The following ALG13 variants were observed in gnomAD, a reference collection of about 807,000 sequenced individuals.
ALG13 encodes UDP-N-acetylglucosamine transferase subunit ALG13.
In ALG13, 11 loss-of-function variants were observed where a neutral mutation model predicts 87.8. That is an observed-to-expected ratio of 0.13 (90% CI 0.08 to 0.21). The LOEUF (loss-of-function observed/expected upper bound fraction) is 0.21, where lower values mean the gene tolerates loss of function less well. ALG13 is among the 10% of genes least tolerant of loss of function. The pLI is 1.00. For synonymous variants in ALG13, 320 were observed against 306.3 expected (o/e 1.04, Z -0.47); for missense variants, 756 against 866.1 (o/e 0.87, Z 1.60).
intron 19 of ALG13, among the ~76,000 whole-genome samples, chrX:111,730,126 A>G (rs754392226): frequency 8.9e-6 from 1 of 112,344 alleles, no homozygotes; most frequent in Non-Finnish European, 1.9e-5. Context: ...CACTGGAAAA[A>G]TTGGACACAA....
At chrX:111,711,519 T>C (rs1280922753) in intron 5 of ALG13, among the ~76,000 whole-genome samples, 156 bp from the exon 6 acceptor site, 1 of 112,307 alleles carries the variant, frequency 8.9e-6, no homozygotes, top group Non-Finnish European at 1.9e-5. Context: ...ATGACTTTTG[T>C]GTATGTGCAA....
In ALG13 at chrX:111,757,631, A is replaced by G. The variant is rs753692221; in HGVS notation, c.3017A>G (p.Gln1006Arg). 14 of 1,206,767 alleles carry G rather than the reference A, an allele frequency of 1.2e-5. No individual in the cohort carries two copies. The highest frequency in any genetic ancestry group is 2.2e-5 in the Admixed American group (1 of 45,274). The change falls in exon 26 of 27, where the codon CAG (glutamine) becomes CGG (arginine). Residue 1006 changes from glutamine to arginine, a missense_variant. This residue lies in a region of ALG13 where 110 missense variants were observed against 104.9 expected (regional missense o/e 1.05). Coordinates refer to ENST00000394780, the MANE Select transcript of ALG13 (RefSeq NM_001099922.3). ...TGGCACTCCATGGTCTATGTGCCAC[A>G]GATGCAGCAGCAGCTTCATGTAGAG... ...SYWHSMVYVP[Q>R]MQQQLHVENY...
chrX:111,757,644 G>C lies in ALG13; in HGVS notation c.3030G>C (p.Gln1010His). The change falls in exon 26 of 27, where the codon CAG becomes CAC. Residue 1010 changes from glutamine (Q) to histidine (H), a missense_variant. By Grantham distance (24) the Gln-to-His change is conservative. Transcript: ENST00000394780. ...TCTATGTGCCACAGATGCAGCAGCA[G>C]CTTCATGTAGAGAATTATCCAGTCT... is the stretch of plus-strand genomic sequence containing the variant. The part of the protein sequence containing the change: ...SMVYVPQMQQ[Q>H]LHVENYPVYT... The C allele has an allele frequency of 8.3e-7, 1 of 1,209,488 alleles. No individual in the cohort carries two copies.
At chrX:111,728,969 A>G (rs1034829953) in intron 19 of ALG13, among the ~76,000 whole-genome samples, 1 of 111,604 alleles carries the variant, frequency 9.0e-6, no homozygotes, top group Non-Finnish European at 1.9e-5. Context: ...ATATCATACA[A>G]TTCAGCTATT....
At chrX:111,735,381 G>T (rs1178810726) in intron 22 of ALG13, among the ~76,000 whole-genome samples, 1 of 111,771 alleles carries the variant, frequency 8.9e-6, no homozygotes, top group Non-Finnish European at 1.9e-5. Flanking sequence ...TATAAAGAGT[G>T]AGTTAATCTA....
intron 3 of ALG13, among the ~76,000 whole-genome samples, chrX:111,687,535 A>G (rs1197118209): frequency 2.7e-5 from 3 of 111,819 alleles, no homozygotes; most frequent in African/African-American, 6.5e-5. Context: ...TTTGGTTTCA[A>G]TTTTTAAATT....
chrX:111,741,030 A>G (rs1943695533), intron 23 of ALG13, among the ~76,000 whole-genome samples: 1 of 112,426 alleles, frequency 8.9e-6, no homozygotes, highest in Admixed American at 9.4e-5. Flanking sequence ...ATCAGTAGCT[A>G]CTAAGATTGC....
rs1939092030 is a variant in ALG13 at position 111,708,044 on chromosome X, G to C, written c.401G>C (p.Gly134Ala). 3 of 1,206,839 alleles carry C rather than the reference G, an allele frequency of 2.5e-6. No homozygotes were observed. Among genetic ancestry groups the C allele is most frequent in the Admixed American group, 2.2e-5 (1 of 45,462 alleles). ...TTTCACAGGGTCCTGACTTGTCCTG[G>C]GCAAGCCAAGTCCATTGCTTCTGCT... ...YCTCRVLTCP[G>A]QAKSIASAPG... Residue 134 changes from glycine (G) to alanine (A), a missense_variant, in exon 4 of 27, where the codon GGG (glycine) becomes GCG (alanine). Transcript: ENST00000394780.
At chrX:111,700,891 A>G (rs1311663923) in intron 3 of ALG13, among the ~76,000 whole-genome samples, 1 of 108,568 alleles carries the variant, frequency 9.2e-6, no homozygotes, top group Non-Finnish European at 1.9e-5. Context: ...GTGCCCGGCC[A>G]AGAGTGTTTT....
intron 3 of ALG13, among the ~76,000 whole-genome samples, chrX:111,702,504 G>A (rs962970188): frequency 9.0e-6 from 1 of 111,392 alleles, no homozygotes; most frequent in African/African-American, 3.3e-5. Flanking sequence ...CTTTTTGATA[G>A]TAACATCTCC....
chrX:111,708,872 A>G (rs1436567206), intron 4 of ALG13, 93 bp from the exon 5 acceptor site: 2 of 543,243 alleles, frequency 3.7e-6, no homozygotes, highest in Non-Finnish European at 5.8e-6. Context: ...GTTCTGAATA[A>G]GGAAGCCTTA....
chrX:111,727,571 A>C (rs369257315), intron 17 of ALG13, 43 bp from the exon 18 acceptor site: 1 of 1,144,968 alleles, frequency 8.7e-7, no homozygotes, highest in South Asian at 2.0e-5. Flanking sequence ...ACAAGTTACT[A>C]TATTTCATCA....
intron 25 of ALG13, among the ~76,000 whole-genome samples, chrX:111,755,427 T>C (rs1423557080): frequency 9.0e-6 from 1 of 111,695 alleles, no homozygotes; most frequent in African/African-American, 3.3e-5. Context: ...AAACTAAAAT[T>C]GACAAGTGGG....
At chrX:111,750,608 AT>A (rs765787753) in intron 24 of ALG13, among the ~76,000 whole-genome samples, 7 of 109,879 alleles carry the variant, frequency 6.4e-5, no homozygotes, top group Admixed American at 9.7e-5. Context: ...TTCTGTCAGC[AT>A]TTTTTTAGCA....
At position 111,727,640 on chromosome X, in the gene ALG13, T is replaced by C; in HGVS notation, c.2117T>C (p.Met706Thr). ...SRSFRRSHRQ[M>T]SCVNKESQYG... is the part of the protein sequence containing the mutation. The stretch of plus-strand genomic sequence containing the variant: ...TCATTTAGACGTAGTCACCGCCAGA[T>C]GAGTTGTGTGAATAAGGAGTCCCAG... Residue 706 changes from methionine to threonine, a missense_variant, in exon 18 of 27, where the codon ATG becomes ACG. Physicochemically the swap from Met to Thr is moderately conservative, Grantham distance 81. Coordinates refer to ENST00000394780, the MANE Select transcript of ALG13 (RefSeq NM_001099922.3). 1 of 1,208,604 alleles carries C rather than the reference T, an allele frequency of 8.3e-7. No homozygotes were observed. Among genetic ancestry groups the C allele is most frequent in the African/African-American group, 1.7e-5 (1 of 57,776 alleles).
intron 4 of ALG13, among the ~76,000 whole-genome samples, 171 bp from the exon 5 acceptor site, chrX:111,708,794 C>G (rs1394666930): frequency 8.9e-6 from 1 of 111,800 alleles, no homozygotes; most frequent in Non-Finnish European, 1.9e-5. Flanking sequence ...ATCCTTCCCC[C>G]ATTTCGTTGA....
rs938206249 is a variant in ALG13, at chrX:111,715,629, A to T, written c.1006-2217A>T. On this transcript the variant is annotated intron_variant, in intron 8 of 26. Coordinates refer to ENST00000394780, the MANE Select transcript of ALG13 (RefSeq NM_001099922.3). ...GCTACTTGGGAGGCTGAGGCAGAAG[A>T]ATCACTTGAGCCCAGGAGGCGGAGG... is the stretch of plus-strand genomic sequence containing the variant. 4.5e-5 allele frequency among the ~76,000 whole-genome samples: 5 copies of T among 112,285 alleles called. No homozygotes were observed. The Admixed American group carries it at 4.7e-4, about 11-fold the overall frequency.
intron 8 of ALG13, among the ~76,000 whole-genome samples, chrX:111,714,081 G>A (rs751418749): frequency 3.3e-4 from 37 of 111,605 alleles, no homozygotes; most frequent in Non-Finnish European, 6.2e-4. Context: ...ATGCTGTTAC[G>A]ATAATCGAGG....
chrX:111,682,064 G>A (rs1933526210), intron 1 of ALG13, 68 bp from the exon 2 acceptor site: 3 of 1,014,167 alleles, frequency 3.0e-6, no homozygotes, highest in Admixed American at 6.7e-5. Context: ...TTTAGTAGTG[G>A]TGGTGGTTCC....
Sources: allele counts gnomAD v4.1 joint callset (sites outside exome capture counted in the v4.1 genomes callset), GRCh38; gene constraint gnomAD v4.1.1; regional missense constraint gnomAD v4.1.1; transcripts MANE v1.5; gene names NCBI Gene and HGNC (gene_info 2026-07-23, HGNC 2026-07-21).